EDC3: variants seen among roughly 807,000 people sequenced by gnomAD.
EDC3 encodes the protein enhancer of mRNA decapping 3.
In EDC3, 20 loss-of-function variants were observed where a neutral mutation model predicts 41.8. The ratio of observed to expected loss-of-function variants is 0.48; its 90% CI spans 0.34 to 0.70. The LOEUF is 0.70. EDC3 is among the 30% of genes least tolerant of loss of function. EDC3 has a pLI of 0.01. For missense variants in EDC3, 444 were observed against 636.8 expected, an observed-to-expected ratio of 0.70 and a Z score of 3.26; for synonymous variants, 206 against 243.2, an observed-to-expected ratio of 0.85 and a Z score of 1.42.
At chr15:74,681,208 C>A (rs1247229082) in intron 1 of EDC3, among the ~76,000 whole-genome samples, 1 of 152,200 alleles carries the variant, frequency 6.6e-6, no homozygotes, top group Admixed American at 6.5e-5. Flanking sequence ...GGCTGGAGTG[C>A]AGTGGCGCAA....
At position 74,671,721 on chromosome 15, in the gene EDC3, T is replaced by C. The variant is rs2062741057; in HGVS notation, c.218A>G (p.Asn73Ser). The C allele has an allele frequency of 6.2e-7, 1 of 1,614,178 alleles. No individual in the cohort carries two copies. Among genetic ancestry groups the C allele is most frequent in the Non-Finnish European group, 8.5e-7 (1 of 1,180,034 alleles). The change falls in exon 3 of 7, where the codon AAC becomes AGC. Residue 73 changes from asparagine to serine, a missense_variant. Physicochemically the swap from Asn to Ser is conservative, Grantham distance 46 (BLOSUM62 1). This residue lies in a region of EDC3 where 200 missense variants were observed against 244.0 expected (regional missense o/e 0.82). Transcript: ENST00000315127. The surrounding 1 kb of genome is among the most constrained non-coding windows in gnomAD (Gnocchi z 4.6). ...TTGATGAAGGTCTCCAAAATGTTGG[T>C]TGTCTCCAGGTCCTGGTATCTCCAG... ...KILEIPGPGD[N>S]QHFGDLHQTE...
At chr15:74,657,966 C>A (rs1300565168) in intron 3 of EDC3, among the ~76,000 whole-genome samples, 1 of 152,156 alleles carries the variant, frequency 6.6e-6, no homozygotes, top group Non-Finnish European at 1.5e-5. Flanking sequence ...CACTAATGCA[C>A]ATCCACAACA....
At chr15:74,649,870 G>C (rs532054488) in intron 4 of EDC3, among the ~76,000 whole-genome samples, 1 of 147,222 alleles carries the variant, frequency 6.8e-6, no homozygotes, top group South Asian at 2.3e-4. Context: ...AGGGGGGGGG[G>C]GTCACAAAAC....
chr15:74,656,010 A>G lies in EDC3; in HGVS notation c.543T>C (p.Asn181=), dbSNP rs1448278548. The change falls in exon 4 of 7, where the codon AAT becomes AAC. Residue 181 remains asparagine, a synonymous_variant. Coordinates refer to ENST00000315127, the MANE Select transcript of EDC3 (RefSeq NM_025083.5). The part of the protein sequence containing the change: ...QATPKKSGLK[N]GQMKNKDDEC... The stretch of plus-strand genomic sequence containing the variant: ...CGTCATCTTTATTCTTCATCTGGCC[A>G]TTCTTTAAACCACTTTTCTTGGGAG... 10 of 1,613,800 alleles carry G rather than the reference A, an allele frequency of 6.2e-6. No individual in the cohort carries two copies. In the East Asian group the frequency reaches 1.6e-4, roughly 25 times the overall value.
chr15:74,675,023 G>C lies in EDC3; in HGVS notation c.102C>G (p.Thr34=). The C allele has an allele frequency of 6.2e-7, 1 of 1,614,106 alleles. No individual in the cohort carries two copies. The highest frequency in any genetic ancestry group is 8.5e-7 in the Non-Finnish European group (1 of 1,180,036). Reference sequence around the variant, plus strand: ...TATGGAAAGGCCGGGTGAGAGAAATGGTCTGGCTGACCTGATCCACAGCTG... The same window carrying C: ...TATGGAAAGGCCGGGTGAGAGAAATCGTCTGGCTGACCTGATCCACAGCTG... The part of the protein sequence containing the change: ...RVSAVDQVSQ[T]ISLTRPFHNG... The change falls in exon 2 of 7, where the codon ACC becomes ACG. Residue 34 remains threonine (T), a synonymous_variant. Coordinates refer to ENST00000315127, the MANE Select transcript of EDC3 (RefSeq NM_025083.5).
intron 5 of EDC3, chr15:74,637,743 G>A (rs2062290985): frequency 1.3e-5 from 2 of 152,166 alleles, no homozygotes; most frequent in Non-Finnish European, 2.9e-5. Context: ...AGGAGCTACA[G>A]GATTTATCTG....
chr15:74,674,257 A>T (rs146158590), intron 2 of EDC3, among the ~76,000 whole-genome samples: 2 of 152,236 alleles, frequency 1.3e-5, no homozygotes, highest in East Asian at 3.9e-4. Context: ...GGCACATGCC[A>T]CCACACCCAG....
At chr15:74,661,875 T>C (rs192697474) in intron 3 of EDC3, among the ~76,000 whole-genome samples, 88 of 151,820 alleles carry the variant, frequency 5.8e-4, no homozygotes, top group African/African-American at 2.0e-3. Context: ...ATAATGTTTG[T>C]TAACAGATGT....
At chr15:74,681,510 A>G (rs1427413577) in intron 1 of EDC3, among the ~76,000 whole-genome samples, 2 of 152,218 alleles carry the variant, frequency 1.3e-5, no homozygotes, top group South Asian at 2.1e-4. Context: ...CAAGACTTAC[A>G]CAATTATGAT....
chr15:74,640,904 A>C (rs1355212321), intron 4 of EDC3: 1 of 423,470 alleles, frequency 2.4e-6, no homozygotes, highest in Non-Finnish European at 4.3e-6. Flanking sequence ...CTACCAGGAT[A>C]TATTTAGTGC....
At chr15:74,656,532 G>T (rs2062550647) in intron 3 of EDC3, among the ~76,000 whole-genome samples, 1 of 152,052 alleles carries the variant, frequency 6.6e-6, no homozygotes, top group African/African-American at 2.4e-5. Context: ...CCTTCATAAG[G>T]AAACTGGTAA....
intron 6 of EDC3, among the ~76,000 whole-genome samples, chr15:74,634,788 A>G (rs1229173270): frequency 1.3e-5 from 2 of 152,190 alleles, no homozygotes; most frequent in Non-Finnish European, 2.9e-5. Context: ...TCACAACAGC[A>G]TCTTGACACT....
chr15:74,632,282 C>T lies in EDC3; in HGVS notation c.*330G>A. On this transcript the variant is annotated 3_prime_UTR_variant, in exon 7 of 7. Coordinates refer to ENST00000315127, the MANE Select transcript of EDC3 (RefSeq NM_025083.5). The surrounding 1 kb of genome is among the most constrained non-coding windows in gnomAD (Gnocchi z 4.0). ...CTGGCCCACTCTTCAATGTGTGTGCCCAGGCCCAGTGGCTGTAAACCTGAA... is the reference window on the plus strand; with the variant it reads ...CTGGCCCACTCTTCAATGTGTGTGCTCAGGCCCAGTGGCTGTAAACCTGAA... 1 of 359,784 alleles carries T rather than the reference C, an allele frequency of 2.8e-6. No individual in the cohort carries two copies. The highest frequency in any genetic ancestry group is 5.2e-6 in the Non-Finnish European group (1 of 192,154). The allele number at this position is 359,784 out of a possible 1,614,324, so 22.3% of individuals were successfully genotyped here. A position where few individuals can be genotyped will look rare whatever the true frequency, so the allele number is the denominator to read the frequency against.
chr15:74,659,487 A>AATATATATATATATATATATAT (rs10601683), intron 3 of EDC3, among the ~76,000 whole-genome samples: 73 of 142,148 alleles, frequency 5.1e-4, no homozygotes, highest in African/African-American at 1.8e-3. Context: ...AAAAAATAGA[A>AATATATATATATATATATATAT]ATATATATAT....
intron 1 of EDC3, among the ~76,000 whole-genome samples, chr15:74,693,331 T>C (rs141819137): frequency 2.3e-3 from 347 of 152,352 alleles, no homozygotes; most frequent in Middle Eastern, 0.02. Flanking sequence ...CTAATAGGTA[T>C]AGTTGATTTT....
chr15:74,680,376 C>T (rs534113163), intron 1 of EDC3, among the ~76,000 whole-genome samples: 26 of 150,744 alleles, frequency 1.7e-4, no homozygotes, highest in African/African-American at 4.9e-4. Flanking sequence ...ACCATATTAA[C>T]AGGCTAAATA....
chr15:74,688,574 G>C (rs183790765), intron 1 of EDC3, among the ~76,000 whole-genome samples: 1 of 152,284 alleles, frequency 6.6e-6, no homozygotes, highest in African/African-American at 2.4e-5. Flanking sequence ...GAATCATAAA[G>C]GTTCTCTTTC....
intron 1 of EDC3, among the ~76,000 whole-genome samples, chr15:74,675,650 G>A (rs2062797713): frequency 1.3e-5 from 2 of 149,966 alleles, no homozygotes; most frequent in African/African-American, 4.9e-5. Context: ...ATGGTGCGAG[G>A]CGGGCAGATC....
At chr15:74,694,959 TAAA>T (rs755076960) in intron 1 of EDC3, among the ~76,000 whole-genome samples, 1 of 140,144 alleles carries the variant, frequency 7.1e-6, no homozygotes. Context: ...TGCCATTCAT[TAAA>T]AAAAAAAAAA....
Sources: gnomAD v4.1 joint callset for allele counts (sites outside exome capture counted in the v4.1 genomes callset) on GRCh38, gnomAD v4.1.1 for gene constraint, gnomAD v4.1.1 regional missense constraint, Gnocchi (gnomAD v3.1) non-coding constraint, MANE v1.5 for transcripts, NCBI Gene and HGNC (gene_info 2026-07-23, HGNC 2026-07-21) for gene names.